The following ANLN variants were observed in gnomAD, a reference collection of about 807,000 sequenced individuals.
ANLN encodes anillin, actin binding protein, also known as anillin.
ANLN carries 59 observed loss-of-function variants against 135.1 expected under a neutral mutation model. The ratio of observed to expected loss-of-function variants is 0.44; its 90% CI spans 0.35 to 0.54. ANLN has a LOEUF of 0.54. Among genes scored for constraint, ANLN ranks in the 20% least tolerant of loss-of-function variants. The pLI is 0.00. For synonymous variants in ANLN, 406 were observed against 456.4 expected (o/e 0.89, Z 1.41); for missense variants, 1,182 against 1,340.0 (o/e 0.88, Z 1.84).
In ANLN at chr7:36,420,263, G is replaced by T; in HGVS notation, c.1964G>T (p.Arg655Leu). ...AAATTCCAAAGAACTCGTGTCCCTC[G>T]AGCTGAATCTGGTGATAGCCTTGGT... ...PGKFQRTRVP[R>L]AESGDSLGSE... Residue 655 changes from arginine to leucine, a missense_variant, in exon 11 of 24, where the codon CGA (arginine) becomes CTA (leucine). Physicochemically the swap from Arg to Leu is moderately radical, Grantham distance 102. Coordinates refer to ENST00000265748, the MANE Select transcript of ANLN (RefSeq NM_018685.5). 1 of 1,614,054 alleles carries T rather than the reference G, an allele frequency of 6.2e-7. No individual in the cohort carries two copies. Among genetic ancestry groups the T allele is most frequent in the Non-Finnish European group, 8.5e-7 (1 of 1,179,966 alleles).
Position 36,442,343 on chromosome 7 carries a change from A to G in ANLN, c.2971-1412A>G, listed in dbSNP as rs527372718. On this transcript the variant is annotated intron_variant, in intron 21 of 23. Coordinates refer to ENST00000265748, the MANE Select transcript of ANLN (RefSeq NM_018685.5). ...TCAAACGCAAAGATGCCTTTGGATC[A>G]TCTGTATCAGAGGGCAGCACAGCAG... Among the ~76,000 whole-genome samples, 3 of 152,344 alleles carry G rather than the reference A, an allele frequency of 2.0e-5. No individual in the cohort carries two copies. The South Asian group carries it at 6.2e-4, about 32-fold the overall frequency.
At chr7:36,414,044 G>A (rs1283019781) in intron 7 of ANLN, among the ~76,000 whole-genome samples, 2 of 152,108 alleles carry the variant, frequency 1.3e-5, no homozygotes, top group Middle Eastern at 3.2e-3. Context: ...CTTTCGAGAA[G>A]GAAGGCATGG....
intron 20 of ANLN, 66 bp from the exon 21 acceptor site, chr7:36,439,138 A>G: frequency 2.2e-6 from 2 of 915,608 alleles, no homozygotes; most frequent in South Asian, 2.8e-5. Context: ...TGATTTATAC[A>G]TGATTTATCA....
At chr7:36,418,206 C>G (rs1450337515) in intron 9 of ANLN, among the ~76,000 whole-genome samples, 1 of 152,182 alleles carries the variant, frequency 6.6e-6, no homozygotes, top group Admixed American at 6.5e-5. Context: ...TCCCTGAACC[C>G]AGTTCTCTTG....
At chr7:36,416,679 A>G (rs1787654803) in intron 8 of ANLN, among the ~76,000 whole-genome samples, 1 of 152,156 alleles carries the variant, frequency 6.6e-6, no homozygotes, top group Non-Finnish European at 1.5e-5. Context: ...ACAAAACAAA[A>G]TGATATGTAA....
In ANLN at chr7:36,399,584, A is replaced by G. The variant is rs140876676; in HGVS notation, c.487+191A>G. Among the ~76,000 whole-genome samples, 342 of 152,344 alleles carry G rather than the reference A, an allele frequency of 2.2e-3. 3 individuals are homozygous for G. The highest frequency in any genetic ancestry group is 7.6e-3 in the African/African-American group (318 of 41,580). ...GGTTATGTTTAGACTGAAGTAGATC[A>G]CGATGTGGTTCTTGGACTAGTTCAT... On this transcript the variant is annotated intron_variant, in intron 3 of 23. Coordinates refer to ENST00000265748, the MANE Select transcript of ANLN (RefSeq NM_018685.5).
rs113253446 is a variant in ANLN, at chr7:36,400,576, C to G, written c.487+1183C>G. Among the ~76,000 whole-genome samples the G allele has an allele frequency of 3.2e-3, 480 of 152,234 alleles. 1 individual carries two copies. Among genetic ancestry groups the G allele is most frequent in the African/African-American group, 0.011 (451 of 41,534 alleles). The stretch of plus-strand genomic sequence containing the variant: ...ATGGAGTTGCACCATGTTGGCCAGG[C>G]TGGTCTCGAACTCCTGACCTCAAGT... On this transcript the variant is annotated intron_variant, in intron 3 of 23. Transcript: ENST00000265748.
Position 36,452,418 on chromosome 7 carries a change from A to C in ANLN, c.3252-59A>C, listed in dbSNP as rs1789283497. ...TCATTTTTTTCCCTAGCAAGAGTACATGGGGGTATGGAATGGAGGGAGAAG... is the reference window on the plus strand; with the variant it reads ...TCATTTTTTTCCCTAGCAAGAGTACCTGGGGGTATGGAATGGAGGGAGAAG... On this transcript the variant is annotated intron_variant, in intron 23 of 23. Coordinates refer to ENST00000265748, the MANE Select transcript of ANLN (RefSeq NM_018685.5). 12 of 1,607,408 alleles carry C rather than the reference A, an allele frequency of 7.5e-6. No homozygotes were observed. In the South Asian group the frequency reaches 1.2e-4, roughly 16 times the overall value.
intron 10 of ANLN, 124 bp from the exon 11 acceptor site, chr7:36,420,045 T>TA: frequency 1.1e-6 from 1 of 922,762 alleles, no homozygotes; most frequent in Non-Finnish European, 1.6e-6. Context: ...GCTTTGTTTT[T>TA]ATGATGAATC....
chr7:36,428,777 T>TAAAAGCAGA (rs1491215461), intron 20 of ANLN, among the ~76,000 whole-genome samples: 12,910 of 56,872 alleles, frequency 0.23, 362 homozygotes, highest in Non-Finnish European at 0.31. Context: ...TAAAAGCAGA[T>TAAAAGCAGA]TTTTTTTTTT....
At position 36,406,343 on chromosome 7, in the gene ANLN, A is replaced by G. The variant is rs753136477; in HGVS notation, c.650A>G (p.Asn217Ser). 6.2e-7 allele frequency: 1 copy of G among 1,614,188 alleles called. No homozygotes were observed. The highest frequency in any genetic ancestry group is 1.1e-5 in the South Asian group (1 of 91,078). ...ATTTGCTCCTGGGAAGATGATGTAAATCACTCATTTGCAAAACAAAACAGT... is the reference window on the plus strand; with the variant it reads ...ATTTGCTCCTGGGAAGATGATGTAAGTCACTCATTTGCAAAACAAAACAGT... ...ATICSWEDDV[N>S]HSFAKQNSVQ... The change falls in exon 4 of 24, where the codon AAT (asparagine) becomes AGT (serine). Residue 217 changes from asparagine (N) to serine (S), a missense_variant. By Grantham distance (46) the Asn-to-Ser change is conservative. This residue lies in a region of ANLN where 1,022 missense variants were observed against 1,134.0 expected (regional missense o/e 0.90). Coordinates refer to ENST00000265748, the MANE Select transcript of ANLN (RefSeq NM_018685.5).
chr7:36,421,390 T>TA (rs1461514685), intron 12 of ANLN, among the ~76,000 whole-genome samples: 3 of 150,646 alleles, frequency 2.0e-5, no homozygotes, highest in Middle Eastern at 3.2e-3. Context: ...ATTTTAATTA[T>TA]AAAAAAAAAT....
intron 23 of ANLN, among the ~76,000 whole-genome samples, chr7:36,451,011 TAAA>T (rs967089014): frequency 3.9e-5 from 6 of 152,256 alleles, no homozygotes; most frequent in Admixed American, 6.5e-5. Context: ...TTTCTCACTA[TAAA>T]ATTATAACTT....
In ANLN at chr7:36,424,302, C is replaced by A. The variant is rs545950967; in HGVS notation, c.2604-243C>A. On this transcript the variant is annotated intron_variant, in intron 15 of 23. Transcript: ENST00000265748. ...GAAACATTTATTTTTAAATAAGAGTCAAAGTGCAGTTTGAAAAATAATTAC... is the reference window on the plus strand; with the variant it reads ...GAAACATTTATTTTTAAATAAGAGTAAAAGTGCAGTTTGAAAAATAATTAC... Among the ~76,000 whole-genome samples, 26 of 152,102 alleles carry A rather than the reference C, an allele frequency of 1.7e-4. 1 individual carries two copies. The South Asian group carries it at 5.4e-3, about 32-fold the overall frequency.
Position 36,393,062 on chromosome 7 carries a change from C to T in ANLN, c.18+3018C>T, listed in dbSNP as rs149208591. Among the ~76,000 whole-genome samples the T allele has an allele frequency of 5.0e-3, 753 of 149,858 alleles. 1 individual carries two copies. The highest frequency in any genetic ancestry group is 6.4e-3 in the Non-Finnish European group (433 of 67,596). Reference sequence around the variant, plus strand: ...TTTTTTTGAGTCAGAGTCTCGTTCTCGCCCAGACTGGAGCTCAATGGTGCG... The same window carrying T: ...TTTTTTTGAGTCAGAGTCTCGTTCTTGCCCAGACTGGAGCTCAATGGTGCG... On this transcript the variant is annotated intron_variant, in intron 1 of 23. Coordinates refer to ENST00000265748, the MANE Select transcript of ANLN (RefSeq NM_018685.5).
intron 2 of ANLN, among the ~76,000 whole-genome samples, chr7:36,398,711 A>G (rs925808438): frequency 6.6e-6 from 1 of 152,154 alleles, no homozygotes; most frequent in African/African-American, 2.4e-5. Flanking sequence ...TGGTGCACAC[A>G]TCACCCGAGC....
intron 18 of ANLN, 78 bp from the exon 19 acceptor site, chr7:36,425,937 T>C: frequency 1.6e-6 from 2 of 1,259,708 alleles, no homozygotes; most frequent in Non-Finnish European, 2.2e-6. Flanking sequence ...AAGAGATGAG[T>C]GATTCATATT....
rs2116600405 is a variant in ANLN at position 36,410,593 on chromosome 7, C to T, written c.1176C>T (p.Ser392=). Residue 392 remains serine, a synonymous_variant, in exon 6 of 24, where the codon AGC becomes AGT. Transcript: ENST00000265748. ...QEHSKESPAR[S]TPHRTPIITP... is the part of the protein sequence containing the mutation. ...ATAGCAAAGAAAGTCCAGCTCGTAG[C>T]ACACCCCACAGAACCCCCATTATTA... is the stretch of plus-strand genomic sequence containing the variant. 2 of 1,614,066 alleles carry T rather than the reference C, an allele frequency of 1.2e-6. No individual in the cohort carries two copies. Among genetic ancestry groups the T allele is most frequent in the East Asian group, 2.2e-5 (1 of 44,872 alleles).
At chr7:36,427,434 C>G (rs892904872) in intron 20 of ANLN, among the ~76,000 whole-genome samples, 1 of 151,898 alleles carries the variant, frequency 6.6e-6, no homozygotes, top group Admixed American at 6.6e-5. Context: ...GAGTGCATGG[C>G]TCACTGAAGC....
Sources: gnomAD v4.1 joint callset for allele counts (sites outside exome capture counted in the v4.1 genomes callset) on GRCh38, gnomAD v4.1.1 for gene constraint, gnomAD v4.1.1 regional missense constraint, MANE v1.5 for transcripts, NCBI Gene and HGNC (gene_info 2026-07-23, HGNC 2026-07-21) for gene names.